Variants in OCIAD1 observed in about 807,000 individuals in gnomAD.
OCIAD1 encodes the protein OCIA domain-containing protein 1.
In OCIAD1, 29 loss-of-function variants were observed where a neutral mutation model predicts 38.9. The ratio of observed to expected loss-of-function variants is 0.74; its 90% confidence interval spans 0.55 to 1.02. The LOEUF is 1.02. Ranked by LOEUF, OCIAD1 falls within the 50% of genes least tolerant of loss-of-function variation. The pLI is 0.00. For missense variants in OCIAD1, 288 were observed against 289.6 expected (o/e 0.99, Z 0.04); for synonymous variants, 110 against 92.0 (o/e 1.20, Z -1.12).
chr4:48,857,670 C>T (rs1251332156), intron 8 of OCIAD1, among the ~76,000 whole-genome samples: 11 of 151,886 alleles, frequency 7.2e-5, no homozygotes, highest in East Asian at 1.9e-4. Context: ...CAGGCCCCCA[C>T]GCCCAGCTAA....
chr4:48,834,422 C>T (rs1281782412), intron 3 of OCIAD1, among the ~76,000 whole-genome samples: 3 of 152,184 alleles, frequency 2.0e-5, no homozygotes, highest in Non-Finnish European at 4.4e-5. Context: ...TCTGCCTTGG[C>T]CTCCCAAAGT....
chr4:48,831,623 C>T (rs1367730511), intron 1 of OCIAD1: 5 of 1,102,956 alleles, frequency 4.5e-6, no homozygotes, highest in Non-Finnish European at 4.9e-6. Context: ...CCGTGTCAGC[C>T]CTGACAGTCT....
chr4:48,833,273 A>T, intron 2 of OCIAD1, 128 bp from the exon 3 acceptor site: 1 of 625,052 alleles, frequency 1.6e-6, no homozygotes, highest in Non-Finnish European at 2.8e-6. Context: ...AAAAGTGCAT[A>T]AGCCAGTTGT....
chr4:48,861,718 T>G lies in OCIAD1; in HGVS notation c.*956T>G, dbSNP rs1780604091. 6.6e-6 allele frequency: 1 copy of G among 152,194 alleles called. No individual in the cohort carries two copies. Among genetic ancestry groups the G allele is most frequent in the South Asian group, 2.1e-4 (1 of 4,832 alleles). 9.4% of individuals were successfully genotyped at this position (152,194 alleles called of 1,614,324 possible). On this transcript the variant is annotated 3_prime_UTR_variant, in exon 9 of 9. Transcript: ENST00000264312. ...ATAAAAATATAATGAATGTGATTTATGTAGATAAATTGATAATATAGTAAA... is the reference window on the plus strand; with the variant it reads ...ATAAAAATATAATGAATGTGATTTAGGTAGATAAATTGATAATATAGTAAA...
At chr4:48,809,553 A>G (rs996564030) in intron 1 of OCIAD1, among the ~76,000 whole-genome samples, 1 of 152,070 alleles carries the variant, frequency 6.6e-6, no homozygotes, top group Non-Finnish European at 1.5e-5. Flanking sequence ...AAAAATAAAT[A>G]AAAAAAGTTA....
chr4:48,858,254 G>T (rs1176754422), intron 8 of OCIAD1, among the ~76,000 whole-genome samples: 2 of 152,066 alleles, frequency 1.3e-5, no homozygotes, highest in African/African-American at 4.8e-5. Context: ...ATACTCATTT[G>T]ACTGTTTCTC....
At chr4:48,817,546 C>G (rs1777155334) in intron 1 of OCIAD1, among the ~76,000 whole-genome samples, 1 of 152,154 alleles carries the variant, frequency 6.6e-6, no homozygotes, top group African/African-American at 2.4e-5. Context: ...TTTTTCATAC[C>G]CCAGTGGGGC....
chr4:48,815,896 C>T (rs746926764), intron 1 of OCIAD1, among the ~76,000 whole-genome samples: 2 of 152,128 alleles, frequency 1.3e-5, no homozygotes, highest in African/African-American at 2.4e-5. Flanking sequence ...TAGGTAATCC[C>T]GCACATACCT....
chr4:48,830,109 G>A (rs1777357929), upstream of OCIAD1, among the ~76,000 whole-genome samples: 2 of 152,210 alleles, frequency 1.3e-5, no homozygotes, highest in Admixed American at 1.3e-4. Flanking sequence ...GCTGTTTCTT[G>A]TTAGTGAACC....
intron 3 of OCIAD1, among the ~76,000 whole-genome samples, chr4:48,839,255 G>A (rs1429410716): frequency 6.6e-6 from 1 of 152,080 alleles, no homozygotes; most frequent in Non-Finnish European, 1.5e-5. Context: ...GGCTAACATG[G>A]TGAAACCCTG....
chr4:48,811,045 C>G (rs1777084923), intron 1 of OCIAD1, among the ~76,000 whole-genome samples: 2 of 151,892 alleles, frequency 1.3e-5, no homozygotes, highest in African/African-American at 4.8e-5. Flanking sequence ...TTAATAGAGA[C>G]AGAGTTTTGT....
At chr4:48,815,164 T>A (rs925904206) in intron 1 of OCIAD1, among the ~76,000 whole-genome samples, 6 of 151,962 alleles carry the variant, frequency 3.9e-5, no homozygotes, top group African/African-American at 1.5e-4. Flanking sequence ...ATACAAAAAA[T>A]TACCCGGATG....
At chr4:48,842,253 T>A (rs1560426591) in intron 3 of OCIAD1, among the ~76,000 whole-genome samples, 2 of 152,248 alleles carry the variant, frequency 1.3e-5, no homozygotes, top group East Asian at 3.8e-4. Context: ...TACTCAGTAG[T>A]GGTTCTTACT....
chr4:48,832,768 T>A, intron 2 of OCIAD1, 86 bp downstream of exon 2: 1 of 958,160 alleles, frequency 1.0e-6, no homozygotes, highest in Non-Finnish European at 1.7e-6. Context: ...GCAGGTGGGC[T>A]GGCTTCATGG....
At chr4:48,820,160 T>C (rs1428557711) in intron 1 of OCIAD1, among the ~76,000 whole-genome samples, 1 of 152,104 alleles carries the variant, frequency 6.6e-6, no homozygotes, top group Non-Finnish European at 1.5e-5. Flanking sequence ...AGTAAAACCC[T>C]CCTTAGCAAA....
At chr4:48,857,552 G>T (rs1242421305) in intron 8 of OCIAD1, among the ~76,000 whole-genome samples, 187 bp downstream of exon 8, 2 of 146,418 alleles carry the variant, frequency 1.4e-5, no homozygotes, top group African/African-American at 2.5e-5. Context: ...ACGGAGTCTT[G>T]CTCCGTCGCC....
intron 1 of OCIAD1, among the ~76,000 whole-genome samples, chr4:48,823,291 C>T (rs1777212580): frequency 6.6e-6 from 1 of 151,878 alleles, no homozygotes; most frequent in South Asian, 2.1e-4. Flanking sequence ...AACACAGGAA[C>T]GGAAAACCAA....
chr4:48,833,048 C>T (rs903655013), intron 2 of OCIAD1, among the ~76,000 whole-genome samples: 4 of 151,758 alleles, frequency 2.6e-5, no homozygotes, highest in Admixed American at 6.6e-5. Flanking sequence ...GTCAGGAGTT[C>T]GAGACTAGCC....
upstream of OCIAD1, among the ~76,000 whole-genome samples, chr4:48,828,058 T>C (rs1400457948): frequency 1.3e-5 from 2 of 152,142 alleles, no homozygotes; most frequent in Non-Finnish European, 2.9e-5. Flanking sequence ...GGTTTGTAAA[T>C]GCACCAATCA....
Sources: gnomAD v4.1 joint callset for allele counts (sites outside exome capture counted in the v4.1 genomes callset) on GRCh38, gnomAD v4.1.1 for gene constraint, MANE v1.5 for transcripts, NCBI Gene and HGNC (gene_info 2026-07-23, HGNC 2026-07-21) for gene names.